Variants in AGBL4 observed in about 807,000 individuals in gnomAD.
AGBL4 encodes cytosolic carboxypeptidase 6.
AGBL4 carries 58 observed loss-of-function variants against 66.4 expected under a neutral mutation model. The ratio of observed to expected loss-of-function variants is 0.87; its 90% CI spans 0.71 to 1.09. The LOEUF is 1.09. AGBL4 is among the 50% of genes least tolerant of loss of function. The pLI is 0.00. For synonymous variants in AGBL4, 234 were observed against 222.9 expected (o/e 1.05, Z -0.44); for missense variants, 579 against 631.0 (o/e 0.92, Z 0.88).
intron 2 of AGBL4, among the ~76,000 whole-genome samples, chr1:49,830,559 C>G (rs1470513514): frequency 3.3e-5 from 5 of 152,122 alleles, no homozygotes; most frequent in Admixed American, 3.3e-4. Flanking sequence ...TTGTGAGTTG[C>G]CTGTTCACTC....
chr1:49,209,205 C>A (rs1428940372), intron 4 of AGBL4, among the ~76,000 whole-genome samples: 2 of 152,134 alleles, frequency 1.3e-5, no homozygotes, highest in African/African-American at 4.8e-5. Context: ...TGTATATCAT[C>A]TCATTTCACA....
intron 2 of AGBL4, among the ~76,000 whole-genome samples, chr1:49,784,850 C>A (rs1644414939): frequency 6.6e-6 from 1 of 151,798 alleles, no homozygotes; most frequent in Non-Finnish European, 1.5e-5. Context: ...AGATATTCAA[C>A]ACAATTAGTG....
chr1:49,912,641 C>G (rs1209561149), intron 1 of AGBL4, among the ~76,000 whole-genome samples: 1 of 152,132 alleles, frequency 6.6e-6, no homozygotes, highest in African/African-American at 2.4e-5. Flanking sequence ...GAAAAAATAC[C>G]TATATCCTAG....
chr1:48,610,663 GAT>G (rs1645224111), intron 9 of AGBL4, among the ~76,000 whole-genome samples: 1 of 152,180 alleles, frequency 6.6e-6, no homozygotes, highest in East Asian at 1.9e-4. Flanking sequence ...GGAAAGGTCT[GAT>G]ATTCAGTGCC....
intron 3 of AGBL4, among the ~76,000 whole-genome samples, chr1:49,340,276 A>AAATCTCAGATGTCTATATTTGTACTATCT (rs1645513644): frequency 6.6e-6 from 1 of 151,964 alleles, no homozygotes; most frequent in Non-Finnish European, 1.5e-5. Context: ...TGCCTGGCCT[A>AAATCTCAGATGTCTATATTTGTACTATCT]AATCTCAGAT....
chr1:49,851,576 G>T (rs1213342748), intron 1 of AGBL4, 58 bp from the exon 2 acceptor site: 11 of 1,511,160 alleles, frequency 7.3e-6, no homozygotes, highest in Non-Finnish European at 9.8e-6. Context: ...AGTCTAGTCA[G>T]ATTTTTACTG....
intron 6 of AGBL4, among the ~76,000 whole-genome samples, chr1:48,676,788 A>G (rs767139112): frequency 5.9e-5 from 9 of 152,210 alleles, no homozygotes; most frequent in Non-Finnish European, 8.8e-5. Flanking sequence ...GCTGCTTATT[A>G]GAACCATGCA....
At chr1:49,630,680 A>T (rs1645553370) in intron 3 of AGBL4, among the ~76,000 whole-genome samples, 1 of 152,140 alleles carries the variant, frequency 6.6e-6, no homozygotes, top group Admixed American at 6.5e-5. Context: ...AGGCTAATTA[A>T]TTGTTATAGC....
At chr1:49,389,300 A>G (rs1644799964) in intron 3 of AGBL4, among the ~76,000 whole-genome samples, 1 of 152,078 alleles carries the variant, frequency 6.6e-6, no homozygotes, top group African/African-American at 2.4e-5. Flanking sequence ...CTGAGGGCAA[A>G]CAGCAAGTCA....
intron 1 of AGBL4, among the ~76,000 whole-genome samples, chr1:49,971,906 G>GGTTTTTTTT (rs1658125825): frequency 4.6e-5 from 2 of 43,440 alleles, no homozygotes; most frequent in South Asian, 1.7e-3. Flanking sequence ...GGTTTTTTTG[G>GGTTTTTTTT]GTTTTTTTTT....
intron 3 of AGBL4, among the ~76,000 whole-genome samples, chr1:49,490,230 G>C (rs1385743003): frequency 6.6e-6 from 1 of 151,490 alleles, no homozygotes; most frequent in Non-Finnish European, 1.5e-5. Context: ...ATTTAATCAT[G>C]GTTATTGAAT....
rs755004393 is a variant in AGBL4, at chr1:48,647,591, C to T, written c.839+5746G>A. Reference sequence around the variant, plus strand: ...TACTTATACGTGGCTCTATGGAATACACAATGACAAGCACCTAATTAAGAA... The same window carrying T: ...TACTTATACGTGGCTCTATGGAATATACAATGACAAGCACCTAATTAAGAA... On this transcript the variant is annotated intron_variant, in intron 8 of 13. Transcript: ENST00000371839. The T allele has an allele frequency of 2.0e-4, 89 of 453,750 alleles. 2 individuals are homozygous for T. Among genetic ancestry groups the T allele is most frequent in the South Asian group, 1.4e-3 (88 of 64,098 alleles). The allele number at this position is 453,750 out of a possible 1,614,324, so 28.1% of individuals were successfully genotyped here.
At chr1:48,678,753 C>G (rs968364701) in intron 6 of AGBL4, among the ~76,000 whole-genome samples, 5 of 152,218 alleles carry the variant, frequency 3.3e-5, no homozygotes, top group African/African-American at 7.2e-5. Flanking sequence ...CAAGGCCATT[C>G]TCCAGTTCCT....
chr1:49,904,823 A>C (rs1357648803), intron 1 of AGBL4, among the ~76,000 whole-genome samples: 1 of 152,222 alleles, frequency 6.6e-6, no homozygotes, highest in Non-Finnish European at 1.5e-5. Flanking sequence ...ATGCCACATT[A>C]GGCAGAAGAC....
chr1:49,583,407 A>C (rs1644584247), intron 3 of AGBL4, among the ~76,000 whole-genome samples: 1 of 152,202 alleles, frequency 6.6e-6, no homozygotes, highest in South Asian at 2.1e-4. Flanking sequence ...CAGTAAATAT[A>C]AGTAAGTGTT....
At chr1:48,927,221 G>A (rs1377237704) in intron 5 of AGBL4, among the ~76,000 whole-genome samples, 1 of 152,156 alleles carries the variant, frequency 6.6e-6, no homozygotes, top group African/African-American at 2.4e-5. Flanking sequence ...GGAAAAAGAG[G>A]TTTAATGGGC....
At chr1:48,752,584 C>T (rs1465280600) in intron 6 of AGBL4, among the ~76,000 whole-genome samples, 2 of 152,100 alleles carry the variant, frequency 1.3e-5, no homozygotes, top group African/African-American at 4.8e-5. Context: ...CATCCCAGAC[C>T]GTCACATCTG....
At chr1:48,742,657 G>A (rs780162989) in intron 6 of AGBL4, 2 of 1,606,686 alleles carry the variant, frequency 1.2e-6, no homozygotes, top group Non-Finnish European at 1.7e-6. Flanking sequence ...GTCCATGACA[G>A]GCGCAGGAGC....
chr1:49,971,149 T>C (rs1222539202), intron 1 of AGBL4, among the ~76,000 whole-genome samples: 4 of 152,198 alleles, frequency 2.6e-5, no homozygotes, highest in African/African-American at 9.7e-5. Flanking sequence ...CTGTCAACCT[T>C]AGTCCAAAAA....
Sources: allele counts gnomAD v4.1 joint callset (sites outside exome capture counted in the v4.1 genomes callset), GRCh38; gene constraint gnomAD v4.1.1; transcripts MANE v1.5; gene names NCBI Gene and HGNC (gene_info 2026-07-23, HGNC 2026-07-21).